The following TOGARAM1 variants were observed in gnomAD, a reference collection of about 807,000 sequenced individuals.
TOGARAM1 encodes TOG array regulator of axonemal microtubules 1.
In TOGARAM1, 100 loss-of-function variants were observed where a neutral mutation model predicts 166.6. The ratio of observed to expected loss-of-function variants is 0.60; its 90% CI spans 0.51 to 0.71. The LOEUF is 0.71. Ranked by LOEUF, TOGARAM1 falls within the 30% of genes least tolerant of loss-of-function variation. TOGARAM1 has a pLI of 0.00. For missense variants in TOGARAM1, 2,029 were observed against 2,102.7 expected (o/e 0.96, Z 0.69); for synonymous variants, 758 against 763.8 (o/e 0.99, Z 0.13).
chr14:44,984,863 T>C (rs1016064661), intron 1 of TOGARAM1, among the ~76,000 whole-genome samples: 1 of 152,134 alleles, frequency 6.6e-6, no homozygotes, highest in Non-Finnish European at 1.5e-5. Flanking sequence ...GGGCAAAGCA[T>C]ATCGATTACC....
At chr14:45,023,156 A>G (rs1566642209) in intron 7 of TOGARAM1, among the ~76,000 whole-genome samples, 3 of 152,124 alleles carry the variant, frequency 2.0e-5, no homozygotes, top group Non-Finnish European at 4.4e-5. Flanking sequence ...TTTTTCTACA[A>G]AGGAACTTCC....
intron 1 of TOGARAM1, among the ~76,000 whole-genome samples, chr14:44,967,367 C>T (rs1885615884): frequency 1.3e-5 from 2 of 152,058 alleles, no homozygotes; most frequent in Non-Finnish European, 2.9e-5. Context: ...CCCCCTCCCC[C>T]CACAAAATTG....
chr14:45,035,068 A>G (rs538825344), intron 11 of TOGARAM1, among the ~76,000 whole-genome samples: 82 of 152,356 alleles, frequency 5.4e-4, no homozygotes, highest in African/African-American at 1.9e-3. Context: ...GAGATAGGAA[A>G]TACACTGGAT....
chr14:44,979,398 C>A (rs1186585372), intron 1 of TOGARAM1, among the ~76,000 whole-genome samples: 1 of 152,074 alleles, frequency 6.6e-6, no homozygotes, highest in Non-Finnish European at 1.5e-5. Context: ...GTGGAAGGGA[C>A]AAACAAGCTC....
At chr14:44,991,388 AT>A (rs1347748210) in intron 1 of TOGARAM1, among the ~76,000 whole-genome samples, 2 of 152,002 alleles carry the variant, frequency 1.3e-5, no homozygotes, top group Non-Finnish European at 2.9e-5. Context: ...CCTCATTGGA[AT>A]TTTTTCCTTA....
chr14:45,005,175 A>G (rs1211396387), intron 4 of TOGARAM1, among the ~76,000 whole-genome samples: 1 of 152,112 alleles, frequency 6.6e-6, no homozygotes, highest in African/African-American at 2.4e-5. Context: ...TCAACCTCCA[A>G]AGTGCTGGGA....
At chr14:45,045,628 T>TATATATATAC (rs368974461) in intron 13 of TOGARAM1, among the ~76,000 whole-genome samples, 2 of 117,590 alleles carry the variant, frequency 1.7e-5, no homozygotes, top group Non-Finnish European at 3.5e-5. Context: ...TATATATATG[T>TATATATATAC]ATATATATAC....
chr14:45,063,624 C>T (rs944114605), intron 16 of TOGARAM1, among the ~76,000 whole-genome samples: 22 of 151,628 alleles, frequency 1.5e-4, no homozygotes, highest in African/African-American at 4.8e-4. Flanking sequence ...GGACTATAGG[C>T]GCGTGCCACC....
Position 44,962,287 on chromosome 14 carries a change from C to A in TOGARAM1, c.-135C>A. The A allele has an allele frequency of 8.6e-7, 1 of 1,169,016 alleles. No individual in the cohort carries two copies. Among genetic ancestry groups the A allele is most frequent in the East Asian group, 2.7e-5 (1 of 36,514 alleles). The allele number at this position is 1,169,016 out of a possible 1,614,324, so 72.4% of individuals were successfully genotyped here. A position where few individuals can be genotyped will look rare whatever the true frequency, so the allele number is the denominator to read the frequency against. ...GCTGCCTCCCGGAGTTGGGGGCGGC[C>A]TGGCGGCAGGCTGAAGCTGTTCTTT... On this transcript the variant is annotated 5_prime_UTR_variant, in exon 1 of 20. It adds an upstream start codon to the 5' untranslated region. Coordinates refer to ENST00000361462, the MANE Select transcript of TOGARAM1 (RefSeq NM_001308120.2).
At chr14:45,045,684 C>CATATATATGTGTAT (rs1318134912) in intron 13 of TOGARAM1, among the ~76,000 whole-genome samples, 2 of 87,406 alleles carry the variant, frequency 2.3e-5, no homozygotes, top group Admixed American at 2.3e-4. Context: ...TATATATACA[C>CATATATATGTGTAT]ATATATACAC....
chr14:44,973,718 TG>T (rs1373811369), intron 1 of TOGARAM1, among the ~76,000 whole-genome samples: 3 of 151,760 alleles, frequency 2.0e-5, no homozygotes, highest in African/African-American at 7.2e-5. Context: ...TTTCAATTTC[TG>T]TTTGTCTGAG....
intron 11 of TOGARAM1, among the ~76,000 whole-genome samples, chr14:45,043,329 C>G (rs1881821751): frequency 6.6e-6 from 1 of 152,130 alleles, no homozygotes. Flanking sequence ...AGGTGTCCAC[C>G]ACCATGCCCA....
At chr14:45,063,109 C>G (rs1363639594) in intron 16 of TOGARAM1, among the ~76,000 whole-genome samples, 1 of 152,062 alleles carries the variant, frequency 6.6e-6, no homozygotes, top group East Asian at 1.9e-4. Context: ...TATATTAAGG[C>G]TTATCCATTT....
intron 2 of TOGARAM1, among the ~76,000 whole-genome samples, chr14:44,998,055 A>G (rs147759354): frequency 6.2e-4 from 94 of 152,348 alleles, no homozygotes; most frequent in African/African-American, 2.0e-3. Context: ...TATATTATTC[A>G]GTAAACATTG....
intron 14 of TOGARAM1, among the ~76,000 whole-genome samples, chr14:45,051,302 G>T: frequency 6.6e-6 from 1 of 152,190 alleles, no homozygotes; most frequent in African/African-American, 2.4e-5. Context: ...AACAGAGAAT[G>T]AGAAATACAG....
chr14:45,067,244 A>G (rs1883179087), intron 17 of TOGARAM1, among the ~76,000 whole-genome samples: 1 of 152,142 alleles, frequency 6.6e-6, no homozygotes, highest in African/African-American at 2.4e-5. Flanking sequence ...CTGCCACAAG[A>G]TGGTAAGCTC....
intron 5 of TOGARAM1, chr14:45,007,759 G>A (rs1238928950): frequency 6.6e-6 from 1 of 152,156 alleles, no homozygotes; most frequent in African/African-American, 2.4e-5. Context: ...TGTGCTTAAT[G>A]TGCTTAATAA....
intron 11 of TOGARAM1, 111 bp downstream of exon 11, chr14:45,032,487 TATTTAGTTC>T: frequency 8.8e-7 from 1 of 1,136,830 alleles, no homozygotes; most frequent in Non-Finnish European, 1.2e-6. Context: ...TAGAAATGAT[TATTTAGTTC>T]TTAGGCATCA....
intron 6 of TOGARAM1, among the ~76,000 whole-genome samples, chr14:45,011,357 G>T (rs1879780079): frequency 6.6e-6 from 1 of 152,156 alleles, no homozygotes; most frequent in African/African-American, 2.4e-5. Context: ...GTGTCACTCA[G>T]GCTGGAGTGT....
Sources: gnomAD v4.1 joint callset for allele counts (sites outside exome capture counted in the v4.1 genomes callset) on GRCh38, gnomAD v4.1.1 for gene constraint, MANE v1.5 for transcripts, NCBI Gene and HGNC (gene_info 2026-07-23, HGNC 2026-07-21) for gene names.